Variants in WDR33 observed in about 807,000 individuals in gnomAD.
The protein encoded by WDR33 is WD repeat domain 33, also known as pre-mRNA 3' end processing protein WDR33.
A neutral mutation model predicts 164.9 loss-of-function variants in WDR33; 47 were observed. The observed-to-expected ratio is 0.29, with a 90% CI of 0.23 to 0.36. WDR33 has a LOEUF of 0.36. Among genes scored for constraint, WDR33 ranks in the 10% least tolerant of loss-of-function variants. The pLI is 1.00. For synonymous variants in WDR33, 505 were observed against 589.0 expected (o/e 0.86, Z 2.06); for missense variants, 1,137 against 1,754.1 (o/e 0.65, Z 6.28).
chr2:127,741,698 G>C lies in WDR33; in HGVS notation c.725-14921C>G, dbSNP rs1352496766. Reference sequence around the variant, plus strand: ...GAGAAAAAGCAAGTACCAGGAAAGAGAAAAATACAGATTATATGACTTTAG... The same window carrying C: ...GAGAAAAAGCAAGTACCAGGAAAGACAAAAATACAGATTATATGACTTTAG... On this transcript the variant is annotated intron_variant, in intron 7 of 21. Coordinates refer to ENST00000322313, the MANE Select transcript of WDR33 (RefSeq NM_018383.5). The surrounding 1 kb of genome is among the most constrained non-coding windows in gnomAD (Gnocchi z 4.1). 6.6e-6 allele frequency among the ~76,000 whole-genome samples: 1 copy of C among 152,164 alleles called. No individual in the cohort carries two copies. The highest frequency in any genetic ancestry group is 1.5e-5 in the Non-Finnish European group (1 of 68,024).
intron 7 of WDR33, among the ~76,000 whole-genome samples, chr2:127,749,194 CA>C (rs1687247193): frequency 6.6e-6 from 1 of 152,070 alleles, no homozygotes; most frequent in Non-Finnish European, 1.5e-5. Context: ...TAAAGTTAGA[CA>C]GGCATAGTGG....
chr2:127,711,742 A>C, intron 18 of WDR33, among the ~76,000 whole-genome samples: 2 of 121,234 alleles, frequency 1.6e-5, no homozygotes, highest in African/African-American at 3.7e-5. Flanking sequence ...TAACTCAACC[A>C]CATATACAGA....
chr2:127,779,358 T>C lies in WDR33; in HGVS notation c.-23-8354A>G, dbSNP rs140844582. Reference sequence around the variant, plus strand: ...GCGCACACCTGTAGTCCCAGCTACTTGGGAGGCTGGGGCAGGAGAATAGCT... The same window carrying C: ...GCGCACACCTGTAGTCCCAGCTACTCGGGAGGCTGGGGCAGGAGAATAGCT... On this transcript the variant is annotated intron_variant, in intron 1 of 21. Transcript: ENST00000322313. Among the ~76,000 whole-genome samples, 743 of 151,968 alleles carry C rather than the reference T, an allele frequency of 4.9e-3. 12 individuals carry two copies. The highest frequency in any genetic ancestry group is 0.017 in the African/African-American group (714 of 41,446).
intron 1 of WDR33, among the ~76,000 whole-genome samples, chr2:127,810,118 A>T (rs1689596214): frequency 6.6e-6 from 1 of 152,168 alleles, no homozygotes. Flanking sequence ...AGAGTGTACT[A>T]AAAAAGTAAA....
intron 18 of WDR33, among the ~76,000 whole-genome samples, chr2:127,711,765 TATATATATATATA>T (rs1686173789): frequency 2.2e-5 from 2 of 88,912 alleles, no homozygotes; most frequent in African/African-American, 1.5e-4. Flanking sequence ...TATATATATA[TATATATATATATA>T]TATTTTTTTT....
chr2:127,773,137 AAAAAT>A (rs1254719631), intron 1 of WDR33, among the ~76,000 whole-genome samples: 2 of 152,200 alleles, frequency 1.3e-5, no homozygotes, highest in Non-Finnish European at 2.9e-5. Flanking sequence ...CCCTGTCTCC[AAAAAT>A]AAAATAAAAG....
At chr2:127,744,019 A>G (rs528424723) in intron 7 of WDR33, among the ~76,000 whole-genome samples, 2 of 152,194 alleles carry the variant, frequency 1.3e-5, no homozygotes, top group Non-Finnish European at 2.9e-5. Flanking sequence ...GGGCTGGAGG[A>G]AAGACTTTTT....
intron 1 of WDR33, among the ~76,000 whole-genome samples, chr2:127,785,912 T>C (rs959083398): frequency 7.9e-5 from 12 of 152,242 alleles, no homozygotes; most frequent in African/African-American, 2.9e-4. Flanking sequence ...CTAAAGTAGG[T>C]GTACCATTCT....
At position 127,738,496 on chromosome 2, in the gene WDR33, A is replaced by G. The variant is rs1381103159; in HGVS notation, c.725-11719T>C. 2.0e-5 allele frequency among the ~76,000 whole-genome samples: 3 copies of G among 152,110 alleles called. No homozygotes were observed. Among genetic ancestry groups the G allele is most frequent in the South Asian group, 2.1e-4 (1 of 4,820 alleles). ...TATATTAATATTATGACTTCATTCCAAAGAGTACAGTATGAAAAGTGGGAA... is the reference window on the plus strand; with the variant it reads ...TATATTAATATTATGACTTCATTCCGAAGAGTACAGTATGAAAAGTGGGAA... On this transcript the variant is annotated intron_variant, in intron 7 of 21. Transcript: ENST00000322313. This position sits in a 1 kb window ranked among gnomAD's most constrained non-coding sequence, Gnocchi z 4.4.
chr2:127,736,717 T>G (rs967561433), intron 7 of WDR33: 261 of 985,344 alleles, frequency 2.6e-4, no homozygotes, highest in Non-Finnish European at 3.0e-4. Context: ...TAAGTACTTC[T>G]GGCATCAAAG....
At chr2:127,774,504 A>G (rs757960731) in intron 1 of WDR33, among the ~76,000 whole-genome samples, 30 of 152,336 alleles carry the variant, frequency 2.0e-4, no homozygotes, top group Non-Finnish European at 4.3e-4. Context: ...CAAAAAAGAA[A>G]TTAAGTTGAT....
rs553567676 is a variant in WDR33, at chr2:127,785,589, T to C, written c.-23-14585A>G. Among the ~76,000 whole-genome samples the C allele has an allele frequency of 3.3e-5, 5 of 152,334 alleles. No individual in the cohort carries two copies. The South Asian group carries it at 8.3e-4, about 25-fold the overall frequency. On this transcript the variant is annotated intron_variant, in intron 1 of 21. Transcript: ENST00000322313. ...CATACAGTGTGGAGCATTTTGAGACTGGCTTCTTTTACTTAGCAATATGCA... is the reference window on the plus strand; with the variant it reads ...CATACAGTGTGGAGCATTTTGAGACCGGCTTCTTTTACTTAGCAATATGCA...
intron 7 of WDR33, among the ~76,000 whole-genome samples, chr2:127,733,677 G>A (rs1215309484): frequency 6.6e-6 from 1 of 152,092 alleles, no homozygotes; most frequent in Non-Finnish European, 1.5e-5. Context: ...ATATCAGACA[G>A]GAGAGATATA....
intron 7 of WDR33, among the ~76,000 whole-genome samples, chr2:127,746,956 C>A (rs1201636353): frequency 2.0e-5 from 3 of 152,148 alleles, no homozygotes. Flanking sequence ...TATTCAGCAT[C>A]AATTCTGGTA....
chr2:127,787,589 CCTCACTTCCCAGTA>C, intron 1 of WDR33, among the ~76,000 whole-genome samples: 1 of 95,396 alleles, frequency 1.0e-5, no homozygotes. Flanking sequence ...CAGAGGGGCT[CCTCACTTCCCAGTA>C]GGGGCGGCCG....
rs1333658990 is a variant in WDR33 at position 127,705,961 on chromosome 2, C to CT, written c.*361dup. On this transcript the variant is annotated 3_prime_UTR_variant, in exon 22 of 22. Transcript: ENST00000322313. This position sits in a 1 kb window ranked among gnomAD's most constrained non-coding sequence, Gnocchi z 4.5. ...ATCACATTCTGTATTCATACAAAAA[C>CT]TTTGTTTTTCTCTGACAAACTGTAC... 1 of 223,646 alleles carries CT rather than the reference C, an allele frequency of 4.5e-6. No individual in the cohort carries two copies. Among genetic ancestry groups the CT allele is most frequent in the Non-Finnish European group, 8.7e-6 (1 of 115,600 alleles). The allele number at this position is 223,646 out of a possible 1,614,324, so 13.9% of individuals were successfully genotyped here.
Position 127,761,341 on chromosome 2 carries a change from C to T in WDR33, c.724+1721G>A, listed in dbSNP as rs531952478. 3.3e-5 allele frequency among the ~76,000 whole-genome samples: 5 copies of T among 152,070 alleles called. No homozygotes were observed. In the South Asian group the frequency reaches 8.4e-4, roughly 25 times the overall value. On this transcript the variant is annotated intron_variant, in intron 7 of 21. Transcript: ENST00000322313. ...TCAGCCTCCCGAGTAGCTGGGACTA[C>T]AGGCGCCCACCACGACACCCAGCTA...
At chr2:127,754,546 G>A (rs1687464887) in intron 7 of WDR33, among the ~76,000 whole-genome samples, 1 of 151,290 alleles carries the variant, frequency 6.6e-6, no homozygotes, top group Non-Finnish European at 1.5e-5. Flanking sequence ...AGCCTTCTGA[G>A]TAGCTGGGAC....
intron 7 of WDR33, among the ~76,000 whole-genome samples, chr2:127,751,282 G>T (rs552234425): frequency 6.6e-6 from 1 of 151,730 alleles, no homozygotes; most frequent in African/African-American, 2.4e-5. Context: ...GATCACTTGA[G>T]CCTGGCAGGT....
Sources: allele counts gnomAD v4.1 joint callset (sites outside exome capture counted in the v4.1 genomes callset), GRCh38; gene constraint gnomAD v4.1.1; non-coding constraint Gnocchi (gnomAD v3.1); transcripts MANE v1.5; gene names NCBI Gene and HGNC (gene_info 2026-07-23, HGNC 2026-07-21).